The following PLSCR5 variants were observed in gnomAD, a reference collection of about 807,000 sequenced individuals.
PLSCR5 encodes phospholipid scramblase family member 5, also known as phospholipid scramblase family, member 5.
In PLSCR5, 44 loss-of-function variants were observed where a neutral mutation model predicts 33.6. The ratio of observed to expected loss-of-function variants is 1.31; its 90% confidence interval spans 1.03 to 1.69. The LOEUF (loss-of-function observed/expected upper bound fraction) is 1.69. Among genes scored for constraint, PLSCR5 ranks in the 40% most tolerant of loss-of-function variants. The pLI is 0.00. For missense variants in PLSCR5, 375 were observed against 318.7 expected, an observed-to-expected ratio of 1.18 and a Z score of -1.34; for synonymous variants, 148 against 112.3, an observed-to-expected ratio of 1.32 and a Z score of -2.01.
At chr3:146,581,989 CT>C (rs201504345), downstream of PLSCR5, among the ~76,000 whole-genome samples, 1,072 of 152,276 alleles carry the variant, frequency 7.0e-3, 14 homozygotes, top group African/African-American at 0.023. Context: ...ACCCACTTTC[CT>C]TTTTTGACAT....
In PLSCR5 at chr3:146,594,125, T is replaced by C; in HGVS notation, c.248A>G (p.Glu83Gly). ...VELLGMILGT[E>G]TSNKYEIKNS... ...TTTAATCTCATATTTGTTGGAGGTC[T>C]CAGTACCAAGTATCACTAATGGAAC... The change falls in exon 4 of 8, where the codon GAG becomes GGG. Residue 83 changes from glutamate (E) to glycine (G), a missense_variant. Glu to Gly is a moderately conservative substitution (Grantham distance 98). Transcript: ENST00000443512. 6.2e-7 allele frequency: 1 copy of C among 1,612,850 alleles called. No homozygotes were observed. Among genetic ancestry groups the C allele is most frequent in the Non-Finnish European group, 8.5e-7 (1 of 1,179,206 alleles).
Position 146,591,735 on chromosome 3 carries a change from G to C in PLSCR5, c.600C>G (p.Gly200=), listed in dbSNP as rs370414280. 5 of 1,609,046 alleles carry C rather than the reference G, an allele frequency of 3.1e-6. No individual in the cohort carries two copies. The Admixed American group carries it at 6.7e-5, about 22-fold the overall frequency. ...VGPCVTCGCF[G]DVDFEVKTIN... ...TCAATTGTACCTCAAAATCCACATC[G>C]CCAAAACAGCCACATGTCACACAAG... Residue 200 remains glycine (G), a synonymous_variant, in exon 5 of 8, where the codon GGC becomes GGG. Transcript: ENST00000443512.
At chr3:146,580,732 G>C (rs1560104390) in intron 7 of PLSCR5, among the ~76,000 whole-genome samples, 2 of 151,988 alleles carry the variant, frequency 1.3e-5, no homozygotes, top group Non-Finnish European at 2.9e-5. Flanking sequence ...CAAAGTGCTG[G>C]GATTATAGGC....
At chr3:146,589,913 T>A in intron 5 of PLSCR5, 99 bp from the exon 6 acceptor site, 1 of 714,802 alleles carries the variant, frequency 1.4e-6, no homozygotes, top group Non-Finnish European at 2.1e-6. Context: ...AATTATTTTA[T>A]TTGTCATCTT....
chr3:146,588,328 G>A (rs778944182), intron 6 of PLSCR5, among the ~76,000 whole-genome samples: 10 of 151,958 alleles, frequency 6.6e-5, no homozygotes, highest in East Asian at 1.9e-4. Flanking sequence ...AAAATTAGCC[G>A]GGTATGGTGG....
intron 2 of PLSCR5, among the ~76,000 whole-genome samples, chr3:146,599,803 C>G (rs767153991): frequency 6.6e-6 from 1 of 151,700 alleles, no homozygotes; most frequent in Non-Finnish European, 1.5e-5. Context: ...CTCAGCATCC[C>G]GAGTAGCTAG....
chr3:146,594,974 G>T, intron 3 of PLSCR5, 67 bp downstream of exon 3: 2 of 991,328 alleles, frequency 2.0e-6, no homozygotes, highest in South Asian at 2.9e-5. Context: ...TAGATGCAAA[G>T]AAACTTCTGA....
chr3:146,589,807 GT>G lies in PLSCR5; in HGVS notation c.622del (p.Thr208ProfsTer19), dbSNP rs1450873404. 3.9e-6 allele frequency: 6 copies of G among 1,530,798 alleles called. No homozygotes were observed. Among genetic ancestry groups the G allele is most frequent in the South Asian group, 1.2e-5 (1 of 82,190 alleles). The allele number at this position is 1,530,798 out of a possible 1,614,324, so 94.8% of individuals were successfully genotyped here. A position where few individuals can be genotyped will look rare whatever the true frequency, so the allele number is the denominator to read the frequency against. On this transcript the variant is annotated frameshift_variant, in exon 6 of 8. Coordinates refer to ENST00000443512, the MANE Select transcript of PLSCR5 (RefSeq NM_001085420.2). LOFTEE classifies it high-confidence loss of function. The stretch of plus-strand genomic sequence containing the variant: ...CCCAATTGTAAGCTTTTCATTAATG[GT>G]TTTCACCTTTAGAAAGAAAATAAGG... ...CFGDVDFEVK[T>X]INEKLTIGKI...
At chr3:146,588,245 T>G (rs1465420955) in intron 6 of PLSCR5, among the ~76,000 whole-genome samples, 1 of 151,828 alleles carries the variant, frequency 6.6e-6, no homozygotes, top group African/African-American at 2.4e-5. Flanking sequence ...CCAAAGCGGG[T>G]GGATCACGAG....
At chr3:146,592,923 G>A (rs1241056526) in intron 4 of PLSCR5, among the ~76,000 whole-genome samples, 3 of 152,152 alleles carry the variant, frequency 2.0e-5, no homozygotes, top group Non-Finnish European at 2.9e-5. Context: ...CTCAGTAGAC[G>A]GATGGAAATT....
At chr3:146,579,776 G>C (rs987442831) in intron 7 of PLSCR5, among the ~76,000 whole-genome samples, 1 of 152,188 alleles carries the variant, frequency 6.6e-6, no homozygotes, top group African/African-American at 2.4e-5. Context: ...GAAAATATTA[G>C]TTGAATCATC....
chr3:146,591,614 C>A lies in PLSCR5; in HGVS notation c.615+106G>T, dbSNP rs993461413. 8.9e-6 allele frequency: 11 copies of A among 1,241,268 alleles called. No homozygotes were observed. The African/African-American group carries it at 1.7e-4, about 19-fold the overall frequency. 76.9% of individuals were successfully genotyped at this position (1,241,268 alleles called of 1,614,324 possible). A position where few individuals can be genotyped will look rare whatever the true frequency, so the allele number is the denominator to read the frequency against. ...CATTATATTACAAATATGTCATTTT[C>A]TGAACTTATTTTAAATGAAATTAAT... is the stretch of plus-strand genomic sequence containing the variant. On this transcript the variant is annotated intron_variant, in intron 5 of 7. Coordinates refer to ENST00000443512, the MANE Select transcript of PLSCR5 (RefSeq NM_001085420.2).
At chr3:146,589,959 T>C (rs536952911) in intron 5 of PLSCR5, 145 bp from the exon 6 acceptor site, 1 of 505,902 alleles carries the variant, frequency 2.0e-6, no homozygotes, top group South Asian at 6.2e-5. Flanking sequence ...TTCCATCATA[T>C]AAGCATAGGT....
intron 2 of PLSCR5, among the ~76,000 whole-genome samples, chr3:146,599,925 A>C (rs2044797186): frequency 6.6e-6 from 1 of 152,020 alleles, no homozygotes; most frequent in South Asian, 2.1e-4. Context: ...TGGGCTCCCA[A>C]AATGCTGGGA....
At chr3:146,598,498 A>G (rs2044782348) in intron 2 of PLSCR5, among the ~76,000 whole-genome samples, 1 of 152,212 alleles carries the variant, frequency 6.6e-6, no homozygotes, top group Admixed American at 6.5e-5. Flanking sequence ...TAACAAAGGT[A>G]TATTTTTGGA....
At chr3:146,597,640 C>G (rs1264379073) in intron 2 of PLSCR5, among the ~76,000 whole-genome samples, 1 of 152,156 alleles carries the variant, frequency 6.6e-6, no homozygotes, top group Non-Finnish European at 1.5e-5. Context: ...TAGCCACTTA[C>G]AAACTATGGC....
chr3:146,580,454 C>CTTTTTTTTTTTT (rs1170556618), intron 7 of PLSCR5, among the ~76,000 whole-genome samples: 2 of 60,570 alleles, frequency 3.3e-5, no homozygotes, highest in Non-Finnish European at 6.0e-5. Flanking sequence ...TTTGAATTTG[C>CTTTTTTTTTTTT]TTTTTTTTTT....
At chr3:146,596,373 G>T in intron 2 of PLSCR5, among the ~76,000 whole-genome samples, 1 of 152,026 alleles carries the variant, frequency 6.6e-6, no homozygotes. Flanking sequence ...ATTTTTAGTA[G>T]ACACACAGGG....
At chr3:146,583,826 A>G (rs1426923763), downstream of PLSCR5, among the ~76,000 whole-genome samples, 2 of 152,188 alleles carry the variant, frequency 1.3e-5, no homozygotes, top group Non-Finnish European at 2.9e-5. Flanking sequence ...AAGTCTCCAA[A>G]GCAGTTTATC....
Sources: gnomAD v4.1 joint callset for allele counts (sites outside exome capture counted in the v4.1 genomes callset) on GRCh38, gnomAD v4.1.1 for gene constraint, MANE v1.5 for transcripts, NCBI Gene and HGNC (gene_info 2026-07-23, HGNC 2026-07-21) for gene names.